Variants in IFT81 observed in about 807,000 individuals in gnomAD.
The protein encoded by IFT81 is intraflagellar transport 81.
A neutral mutation model predicts 102.6 loss-of-function variants in IFT81; 72 were observed. That is an observed-to-expected ratio of 0.70 (90% confidence interval 0.58 to 0.85). The LOEUF (loss-of-function observed/expected upper bound fraction) is 0.85, where lower values mean the gene tolerates loss of function less well. IFT81 is among the 40% of genes least tolerant of loss of function. IFT81 has a pLI of 0.00. For synonymous variants in IFT81, 237 were observed against 242.7 expected (o/e 0.98, Z 0.22); for missense variants, 723 against 787.3 (o/e 0.92, Z 0.98).
At chr12:110,180,950 G>A (rs1011452326) in intron 12 of IFT81, among the ~76,000 whole-genome samples, 6 of 152,200 alleles carry the variant, frequency 3.9e-5, no homozygotes, top group Non-Finnish European at 7.3e-5. Flanking sequence ...GAAATATCCA[G>A]GGAAGTGCTG....
At chr12:110,157,727 T>C (rs1895919346) in intron 10 of IFT81, among the ~76,000 whole-genome samples, 1 of 152,226 alleles carries the variant, frequency 6.6e-6, no homozygotes, top group African/African-American at 2.4e-5. Context: ...TATTTTTCTC[T>C]TCCTATTTCT....
At chr12:110,134,167 G>A (rs898008086) in intron 5 of IFT81, among the ~76,000 whole-genome samples, 10 of 152,058 alleles carry the variant, frequency 6.6e-5, no homozygotes, top group Non-Finnish European at 1.0e-4. Context: ...CGCCTGGCTA[G>A]TTTTGTATTT....
intron 10 of IFT81, among the ~76,000 whole-genome samples, chr12:110,155,454 GTA>G: frequency 6.7e-6 from 1 of 150,332 alleles, no homozygotes; most frequent in African/African-American, 2.5e-5. Context: ...GGGATTACAG[GTA>G]CTTGCCACCA....
chr12:110,156,865 A>T (rs945895124), intron 10 of IFT81, among the ~76,000 whole-genome samples: 1 of 152,074 alleles, frequency 6.6e-6, no homozygotes, highest in Non-Finnish European at 1.5e-5. Flanking sequence ...TTCTCTTAGC[A>T]TCTTGATATA....
chr12:110,166,849 A>G (rs1158832620), intron 11 of IFT81, among the ~76,000 whole-genome samples: 1 of 151,870 alleles, frequency 6.6e-6, no homozygotes. Flanking sequence ...CAGAAATTAT[A>G]TGACAGCCAT....
In IFT81 at chr12:110,180,437, A is replaced by G. The variant is rs1897276157; in HGVS notation, c.1204A>G (p.Asn402Asp). Reference sequence around the variant, plus strand: ...TTTTTTACAGTTCAAACGATATGTCAATAAACTTCGAAGCAAGAGTACAGT... The same window carrying G: ...TTTTTTACAGTTCAAACGATATGTCGATAAACTTCGAAGCAAGAGTACAGT... ...LKGDEFKRYV[N>D]KLRSKSTVFK... The change falls in exon 12 of 19, where the codon AAT (asparagine) becomes GAT (aspartate). Residue 402 changes from asparagine (N) to aspartate (D), a missense_variant. Coordinates refer to ENST00000242591, the MANE Select transcript of IFT81 (RefSeq NM_014055.4). 1 of 1,604,434 alleles carries G rather than the reference A, an allele frequency of 6.2e-7. No individual in the cohort carries two copies. Among genetic ancestry groups the G allele is most frequent in the Non-Finnish European group, 8.5e-7 (1 of 1,172,808 alleles).
intron 14 of IFT81, among the ~76,000 whole-genome samples, chr12:110,196,040 G>A (rs1897986506): frequency 6.6e-6 from 1 of 152,158 alleles, no homozygotes; most frequent in African/African-American, 2.4e-5. Flanking sequence ...TATAAAAGCG[G>A]TGTTCTAAAC....
At chr12:110,215,206 C>T (rs927211036) in intron 18 of IFT81, among the ~76,000 whole-genome samples, 6 of 151,846 alleles carry the variant, frequency 4.0e-5, no homozygotes, top group Admixed American at 3.3e-4. Flanking sequence ...AGTATATTGA[C>T]CGTATGTTAA....
At chr12:110,173,401 C>T (rs1340710709) in intron 11 of IFT81, among the ~76,000 whole-genome samples, 10 of 151,908 alleles carry the variant, frequency 6.6e-5, no homozygotes, top group African/African-American at 2.2e-4. Flanking sequence ...CGCCTCTGCC[C>T]GGCCGCCCCT....
intron 11 of IFT81, among the ~76,000 whole-genome samples, chr12:110,177,379 T>G (rs977228808): frequency 1.3e-5 from 2 of 152,112 alleles, no homozygotes; most frequent in African/African-American, 2.4e-5. Flanking sequence ...GCTTCCCAGG[T>G]TCAAGCAATT....
intron 11 of IFT81, among the ~76,000 whole-genome samples, chr12:110,175,564 A>C (rs956027681): frequency 6.6e-6 from 1 of 152,236 alleles, no homozygotes; most frequent in Admixed American, 6.5e-5. Flanking sequence ...TATGTTTAGA[A>C]ATTTTTTAAA....
rs536518740 is a variant in IFT81 at position 110,141,786 on chromosome 12, A to G, written c.782-1596A>G. Among the ~76,000 whole-genome samples the G allele has an allele frequency of 5.3e-5, 8 of 152,292 alleles. No individual in the cohort carries two copies. In the East Asian group the frequency reaches 1.5e-3, roughly 29 times the overall value. ...TTCCAGCTACTCAGGAGGCTGAGGCAGGAGAATCGCTTGAACCCAGGAGGC... is the reference window on the plus strand; with the variant it reads ...TTCCAGCTACTCAGGAGGCTGAGGCGGGAGAATCGCTTGAACCCAGGAGGC... On this transcript the variant is annotated intron_variant, in intron 8 of 18. Coordinates refer to ENST00000242591, the MANE Select transcript of IFT81 (RefSeq NM_014055.4).
intron 10 of IFT81, chr12:110,162,396 G>A (rs1032204151): frequency 1.3e-5 from 2 of 148,282 alleles, no homozygotes; most frequent in African/African-American, 5.0e-5. Flanking sequence ...GAGCGCAGTG[G>A]CGTGATCTCG....
intron 4 of IFT81, among the ~76,000 whole-genome samples, chr12:110,132,011 A>T (rs1401717731): frequency 6.6e-6 from 1 of 152,124 alleles, no homozygotes; most frequent in Non-Finnish European, 1.5e-5. Context: ...TGAAGCAGGA[A>T]AGTAACCAGA....
chr12:110,170,692 T>C (rs1370840981), intron 11 of IFT81, among the ~76,000 whole-genome samples: 1 of 152,228 alleles, frequency 6.6e-6, no homozygotes. Context: ...CTGGAACTCA[T>C]GCAATGAAAG....
intron 12 of IFT81, among the ~76,000 whole-genome samples, chr12:110,183,528 T>C (rs1175471101): frequency 2.0e-5 from 3 of 152,176 alleles, no homozygotes; most frequent in Admixed American, 6.5e-5. Context: ...TGTTTGTGAG[T>C]CCATTGTTTA....
chr12:110,199,052 G>A (rs1898142587), intron 14 of IFT81, among the ~76,000 whole-genome samples: 2 of 151,854 alleles, frequency 1.3e-5, no homozygotes, highest in Non-Finnish European at 2.9e-5. Flanking sequence ...CAAGTGATCC[G>A]GCCACCTCCG....
chr12:110,162,840 TA>T, intron 10 of IFT81, 78 bp from the exon 11 acceptor site: 1 of 1,301,224 alleles, frequency 7.7e-7, no homozygotes. Flanking sequence ...TGGTAAAATC[TA>T]AAAAATAGAT....
rs1379789526 is a variant in IFT81, at chr12:110,124,413, T to G, written c.-470T>G. 5.3e-5 allele frequency: 8 copies of G among 150,586 alleles called. No individual in the cohort carries two copies. The highest frequency in any genetic ancestry group is 2.0e-4 in the African/African-American group (8 of 40,808). The allele number at this position is 150,586 out of a possible 1,614,324, so 9.3% of individuals were successfully genotyped here. A position where few individuals can be genotyped will look rare whatever the true frequency, so the allele number is the denominator to read the frequency against. On this transcript the variant is annotated 5_prime_UTR_variant, in exon 1 of 19. Coordinates refer to ENST00000242591, the MANE Select transcript of IFT81 (RefSeq NM_014055.4). Reference sequence around the variant, plus strand: ...TAGAGCCCGGGCGCCTCCTGGGGGGTGGGGAAACGGTTTCGTGAGGAGAAT... The same window carrying G: ...TAGAGCCCGGGCGCCTCCTGGGGGGGGGGGAAACGGTTTCGTGAGGAGAAT...
Sources: gnomAD v4.1 joint callset for allele counts (sites outside exome capture counted in the v4.1 genomes callset) on GRCh38, gnomAD v4.1.1 for gene constraint, MANE v1.5 for transcripts, NCBI Gene and HGNC (gene_info 2026-07-23, HGNC 2026-07-21) for gene names.